The following CNTN5 variants were observed in gnomAD, a reference collection of about 807,000 sequenced individuals.
CNTN5 encodes the protein contactin-5.
In CNTN5, 77 loss-of-function variants were observed where a neutral mutation model predicts 129.1. The observed-to-expected ratio is 0.60, with a 90% CI of 0.50 to 0.72. The LOEUF (loss-of-function observed/expected upper bound fraction) is 0.72, where lower values mean the gene tolerates loss of function less well. Ranked by LOEUF, CNTN5 falls within the 30% of genes least tolerant of loss-of-function variation. The pLI is 0.00. For synonymous variants in CNTN5, 509 were observed against 465.6 expected (o/e 1.09, Z -1.20); for missense variants, 1,478 against 1,328.8 (o/e 1.11, Z -1.75).
chr11:99,974,377 G>T (rs763861681), intron 8 of CNTN5, among the ~76,000 whole-genome samples: 11 of 152,120 alleles, frequency 7.2e-5, no homozygotes, highest in Non-Finnish European at 1.6e-4. Context: ...CTAACTCACG[G>T]TGATTGTTTT....
intron 2 of CNTN5, among the ~76,000 whole-genome samples, chr11:99,378,945 T>A (rs1676990006): frequency 6.6e-6 from 1 of 152,026 alleles, no homozygotes; most frequent in Admixed American, 6.6e-5. Context: ...GAGCAAGACA[T>A]ATCAATGAGA....
intron 1 of CNTN5, among the ~76,000 whole-genome samples, chr11:99,265,085 A>G (rs1862825296): frequency 1.3e-5 from 2 of 152,014 alleles, no homozygotes; most frequent in South Asian, 2.1e-4. Context: ...GGTGTGCTCC[A>G]TGTATTATTA....
chr11:100,350,784 C>T lies in CNTN5; in HGVS notation c.3113C>T (p.Ala1038Val). Residue 1038 changes from alanine (A) to valine (V), a missense_variant, in exon 24 of 25, where the codon GCT (alanine) becomes GTT (valine). Ala to Val is a moderately conservative substitution (Grantham distance 64). Coordinates refer to ENST00000524871, the MANE Select transcript of CNTN5 (RefSeq NM_014361.4). ...CAAGCAGTAGTACCACTCCCAGATG[C>T]TGGAGTCTATATTATTGAAGTTCGA... ...KLQAVVPLPD[A>V]GVYIIEVRAY... 6.2e-7 allele frequency: 1 copy of T among 1,608,712 alleles called. No individual in the cohort carries two copies.
At chr11:99,383,236 T>C (rs1940709367) in intron 2 of CNTN5, among the ~76,000 whole-genome samples, 2 of 152,196 alleles carry the variant, frequency 1.3e-5, no homozygotes, top group East Asian at 3.9e-4. Flanking sequence ...CTTTTGTATG[T>C]GAATATTTAA....
chr11:99,108,024 A>C (rs1379877556), intron 1 of CNTN5, among the ~76,000 whole-genome samples: 2 of 151,196 alleles, frequency 1.3e-5, no homozygotes, highest in African/African-American at 2.4e-5. Context: ...GCAGAACTGG[A>C]CTATGAATCG....
At chr11:99,438,167 CAAATTCTG>C in intron 2 of CNTN5, among the ~76,000 whole-genome samples, 1 of 152,288 alleles carries the variant, frequency 6.6e-6, no homozygotes, top group East Asian at 1.9e-4. Flanking sequence ...TTCAACTTTA[CAAATTCTG>C]ATTGAGTCAA....
intron 1 of CNTN5, among the ~76,000 whole-genome samples, chr11:99,267,934 A>G (rs1424669922): frequency 1.1e-4 from 16 of 151,032 alleles, no homozygotes; most frequent in African/African-American, 2.2e-4. Flanking sequence ...ACACACACAC[A>G]CACACACACA....
chr11:100,166,307 A>G (rs552541990), intron 13 of CNTN5, among the ~76,000 whole-genome samples: 14 of 151,778 alleles, frequency 9.2e-5, no homozygotes, highest in Non-Finnish European at 1.6e-4. Context: ...AAATTTTACA[A>G]TAATAGTTTA....
At chr11:99,163,234 T>A (rs1282796374) in intron 1 of CNTN5, among the ~76,000 whole-genome samples, 1 of 152,176 alleles carries the variant, frequency 6.6e-6, no homozygotes, top group Non-Finnish European at 1.5e-5. Context: ...TACTGAGATA[T>A]GACTTCTTAG....
chr11:99,131,545 C>T (rs1047424045), intron 1 of CNTN5, among the ~76,000 whole-genome samples: 15 of 151,878 alleles, frequency 9.9e-5, no homozygotes, highest in Non-Finnish European at 1.5e-4. Flanking sequence ...TTCAAATATA[C>T]GATGAGAAAC....
Position 99,561,456 on chromosome 11 carries a change from A to C in CNTN5, c.55+5187A>C, listed in dbSNP as rs185575217. The stretch of plus-strand genomic sequence containing the variant: ...GATTAATTTCAAATAATTTATGTAG[A>C]TACTTCATCCTCAAGGAGGTGTGAA... On this transcript the variant is annotated intron_variant, in intron 3 of 24. Coordinates refer to ENST00000524871, the MANE Select transcript of CNTN5 (RefSeq NM_014361.4). 4.4e-3 allele frequency among the ~76,000 whole-genome samples: 668 copies of C among 152,322 alleles called. 19 individuals carry two copies. Among genetic ancestry groups the C allele is most frequent in the East Asian group, 6.0e-3 (31 of 5,188 alleles).
rs571231972 is a variant in CNTN5 at position 100,092,698 on chromosome 11, G to A, written c.1580+18404G>A. On this transcript the variant is annotated intron_variant, in intron 13 of 24. Transcript: ENST00000524871. ...ATCTGTATAAATCATGTGTGGAATA[G>A]GACTGTGCTCTTCCCCCATACTGAG... is the stretch of plus-strand genomic sequence containing the variant. 5.9e-5 allele frequency among the ~76,000 whole-genome samples: 9 copies of A among 152,220 alleles called. No homozygotes were observed. The South Asian group carries it at 1.7e-3, about 28-fold the overall frequency.
chr11:99,184,522 T>C (rs1450844708), intron 1 of CNTN5, among the ~76,000 whole-genome samples: 1 of 152,094 alleles, frequency 6.6e-6, no homozygotes, highest in Non-Finnish European at 1.5e-5. Context: ...TCTTTTCTCT[T>C]ATTGCAACAT....
chr11:100,102,101 T>C (rs184390308), intron 13 of CNTN5, among the ~76,000 whole-genome samples: 1 of 152,266 alleles, frequency 6.6e-6, no homozygotes, highest in African/African-American at 2.4e-5. Context: ...AGTAGTAGGA[T>C]TGCTGAATTG....
At chr11:99,878,462 C>T (rs1371880358) in intron 6 of CNTN5, among the ~76,000 whole-genome samples, 2 of 152,094 alleles carry the variant, frequency 1.3e-5, no homozygotes, top group African/African-American at 4.8e-5. Context: ...ATGGCATGTG[C>T]AATAGGTGTC....
intron 1 of CNTN5, among the ~76,000 whole-genome samples, chr11:99,116,248 GT>G (rs1263482562): frequency 6.6e-6 from 1 of 152,020 alleles, no homozygotes; most frequent in African/African-American, 2.4e-5. Flanking sequence ...GAATTTATTT[GT>G]TGTGGCATTT....
chr11:99,320,242 A>T (rs1227045040), intron 1 of CNTN5, among the ~76,000 whole-genome samples: 1 of 152,208 alleles, frequency 6.6e-6, no homozygotes, highest in Non-Finnish European at 1.5e-5. Context: ...ACTCCTTCTC[A>T]AATAAACAAA....
intron 10 of CNTN5, among the ~76,000 whole-genome samples, chr11:100,062,462 G>T (rs897845104): frequency 1.3e-4 from 20 of 152,164 alleles, no homozygotes; most frequent in African/African-American, 4.8e-4. Flanking sequence ...TTCATTCATT[G>T]ATACAGTTAA....
chr11:100,156,110 T>C (rs932567684), intron 13 of CNTN5, among the ~76,000 whole-genome samples: 1 of 152,180 alleles, frequency 6.6e-6, no homozygotes, highest in African/African-American at 2.4e-5. Flanking sequence ...TTCCAGTTTG[T>C]GCCCATTCAG....
Sources: allele counts gnomAD v4.1 joint callset (sites outside exome capture counted in the v4.1 genomes callset), GRCh38; gene constraint gnomAD v4.1.1; transcripts MANE v1.5; gene names NCBI Gene and HGNC (gene_info 2026-07-23, HGNC 2026-07-21).